KIAA0319L: variants seen among roughly 807,000 people sequenced by gnomAD.
KIAA0319L encodes the protein dyslexia-associated protein KIAA0319-like protein.
A neutral mutation model predicts 120.1 loss-of-function variants in KIAA0319L; 55 were observed. That is an observed-to-expected ratio of 0.46 (90% CI 0.37 to 0.57). KIAA0319L has a LOEUF of 0.57. Among genes scored for constraint, KIAA0319L ranks in the 20% least tolerant of loss-of-function variants. KIAA0319L has a pLI of 0.00. For synonymous variants in KIAA0319L, 398 were observed against 471.9 expected, an observed-to-expected ratio of 0.84 and a Z score of 2.03; for missense variants, 1,049 against 1,255.3, an observed-to-expected ratio of 0.84 and a Z score of 2.48.
In KIAA0319L at chr1:35,518,559, A is replaced by G. The variant is rs181281903; in HGVS notation, c.143-11424T>C. 1.2e-3 allele frequency among the ~76,000 whole-genome samples: 183 copies of G among 152,290 alleles called. 1 individual carries two copies. Among genetic ancestry groups the G allele is most frequent in the African/African-American group, 3.9e-3 (163 of 41,562 alleles). ...CAGACACTGGAATCTACTTGAGGGTAGAGGTGAGAGGAGGAAGAGGAGCAG... is the reference window on the plus strand; with the variant it reads ...CAGACACTGGAATCTACTTGAGGGTGGAGGTGAGAGGAGGAAGAGGAGCAG... On this transcript the variant is annotated intron_variant, in intron 2 of 20. Coordinates refer to ENST00000325722, the MANE Select transcript of KIAA0319L (RefSeq NM_024874.5).
In KIAA0319L at chr1:35,479,185, G is replaced by T. The variant is rs1254399074; in HGVS notation, c.694C>A (p.Pro232Thr). Residue 232 changes from proline (P) to threonine (T), a missense_variant, in exon 4 of 21, where the codon CCC becomes ACC. By Grantham distance (38) the Pro-to-Thr change is conservative. Coordinates refer to ENST00000325722, the MANE Select transcript of KIAA0319L (RefSeq NM_024874.5). ...TCTGCAGTCAGGTCTGTGGTTAGGG[G>T]ACTGGAAATTGTAATCGCCTTGTGG... is the stretch of plus-strand genomic sequence containing the variant. The part of the protein sequence containing the change: ...EVHKAITISS[P>T]LTTDLTAELS... 1.2e-6 allele frequency: 2 copies of T among 1,613,566 alleles called. No individual in the cohort carries two copies. Among genetic ancestry groups the T allele is most frequent in the Non-Finnish European group, 1.7e-6 (2 of 1,179,656 alleles).
intron 2 of KIAA0319L, among the ~76,000 whole-genome samples, chr1:35,508,276 C>T (rs567187021): frequency 1.3e-5 from 2 of 152,078 alleles, no homozygotes; most frequent in South Asian, 4.2e-4. Context: ...GGGCTTATAA[C>T]ATAAAATATA....
intron 16 of KIAA0319L, among the ~76,000 whole-genome samples, chr1:35,445,944 C>T (rs894892765): frequency 1.3e-5 from 2 of 152,172 alleles, no homozygotes; most frequent in African/African-American, 4.8e-5. Flanking sequence ...CATCTTTCCA[C>T]TGCTTGCCAG....
Position 35,453,527 on chromosome 1 carries a change from C to A in KIAA0319L, c.1913+30G>T. The A allele has an allele frequency of 6.2e-7, 1 of 1,612,154 alleles. No homozygotes were observed. Among genetic ancestry groups the A allele is most frequent in the Non-Finnish European group, 8.5e-7 (1 of 1,178,592 alleles). ...GCTCTTCCAAGGTCTGGAGGCTTTG[C>A]AAAAATAAGGATTTTGTGTCAATAC... On this transcript the variant is annotated intron_variant, in intron 12 of 20. Coordinates refer to ENST00000325722, the MANE Select transcript of KIAA0319L (RefSeq NM_024874.5). This position sits in a 1 kb window ranked among gnomAD's most constrained non-coding sequence, Gnocchi z 4.1.
intron 2 of KIAA0319L, among the ~76,000 whole-genome samples, chr1:35,517,747 T>G (rs993909324): frequency 1.3e-5 from 2 of 152,184 alleles, no homozygotes; most frequent in Non-Finnish European, 2.9e-5. Flanking sequence ...TAAGAGCTTC[T>G]GCACAGCAAA....
chr1:35,539,358 C>G (rs74847130), intron 2 of KIAA0319L, among the ~76,000 whole-genome samples: 2,367 of 152,328 alleles, frequency 0.016, 68 homozygotes, highest in African/African-American at 0.054. Context: ...TGTTCCAGGT[C>G]TGCAGACCTC....
intron 3 of KIAA0319L, among the ~76,000 whole-genome samples, chr1:35,505,406 C>T (rs757003240): frequency 2.0e-5 from 3 of 152,178 alleles, no homozygotes; most frequent in Non-Finnish European, 4.4e-5. Context: ...TTAAACATCT[C>T]GGAGAAGTCT....
intron 2 of KIAA0319L, among the ~76,000 whole-genome samples, chr1:35,516,751 G>A (rs142468650): frequency 8.5e-4 from 129 of 152,272 alleles, no homozygotes; most frequent in African/African-American, 2.8e-3. Context: ...AATAGGAGGC[G>A]AGGAAGTCCA....
At chr1:35,548,340 C>G (rs1283824813) in intron 2 of KIAA0319L, among the ~76,000 whole-genome samples, 1 of 152,026 alleles carries the variant, frequency 6.6e-6, no homozygotes, top group African/African-American at 2.4e-5. Context: ...CCATCTCCAT[C>G]TCCACAATTA....
At chr1:35,484,804 ATATTT>A (rs1471167534) in intron 3 of KIAA0319L, among the ~76,000 whole-genome samples, 298 of 43,580 alleles carry the variant, frequency 6.8e-3, no homozygotes, top group Middle Eastern at 0.01. Context: ...ATATATATAT[ATATTT>A]TTTTTTTTAT....
Position 35,437,233 on chromosome 1 carries a change from G to A in KIAA0319L, c.2963-2152C>T, listed in dbSNP as rs1399651530. Among the ~76,000 whole-genome samples the A allele has an allele frequency of 1.3e-5, 2 of 152,120 alleles. No homozygotes were observed. Among genetic ancestry groups the A allele is most frequent in the Non-Finnish European group, 2.9e-5 (2 of 68,028 alleles). ...TCCCATCCAATCTCACCTCTGCAGCGCGGCACTTCTCCGGGCCATCACCGC... is the reference window on the plus strand; with the variant it reads ...TCCCATCCAATCTCACCTCTGCAGCACGGCACTTCTCCGGGCCATCACCGC... On this transcript the variant is annotated intron_variant, in intron 20 of 20. Coordinates refer to ENST00000325722, the MANE Select transcript of KIAA0319L (RefSeq NM_024874.5). The surrounding 1 kb of genome is among the most constrained non-coding windows in gnomAD (Gnocchi z 4.1).
At chr1:35,461,781 A>C (rs1489010051) in intron 8 of KIAA0319L, among the ~76,000 whole-genome samples, 1 of 152,048 alleles carries the variant, frequency 6.6e-6, no homozygotes, top group Non-Finnish European at 1.5e-5. Flanking sequence ...TCTCTATCAC[A>C]AGGGCTTCTT....
intron 2 of KIAA0319L, among the ~76,000 whole-genome samples, chr1:35,525,184 CTTTTT>C (rs1558590143): frequency 6.6e-6 from 1 of 152,240 alleles, no homozygotes; most frequent in East Asian, 1.9e-4. Context: ...CAATTTCATT[CTTTTT>C]TAAGGCCAAA....
chr1:35,470,492 CAA>C lies in KIAA0319L; in HGVS notation c.1113+369_1113+370del, dbSNP rs34215571. On this transcript the variant is annotated intron_variant, in intron 6 of 20. Transcript: ENST00000325722. ...TAGGTGACAGAGCAAGACCCTGTCT[CAA>C]AAAAAAAAAAAAAAAAAAAAGAAAA... Among the ~76,000 whole-genome samples the C allele has an allele frequency of 4.4e-3, 326 of 73,412 alleles. 1 individual carries two copies. The highest frequency in any genetic ancestry group is 0.032 in the South Asian group (60 of 1,878). 48.2% of individuals were successfully genotyped at this position (73,412 alleles called of 152,430 possible). A position where few individuals can be genotyped will look rare whatever the true frequency, so the allele number is the denominator to read the frequency against.
At chr1:35,442,808 C>T (rs1420065388) in intron 18 of KIAA0319L, 98 bp downstream of exon 18, 3 of 1,417,848 alleles carry the variant, frequency 2.1e-6, no homozygotes. Context: ...CTTCTCCTTG[C>T]CTGCTCATCT....
intron 2 of KIAA0319L, among the ~76,000 whole-genome samples, chr1:35,537,803 T>C (rs1342344676): frequency 2.0e-5 from 3 of 152,164 alleles, no homozygotes; most frequent in Non-Finnish European, 4.4e-5. Flanking sequence ...TTAGTATTCT[T>C]AGAATTTTTG....
chr1:35,510,516 G>A (rs1645390592), intron 2 of KIAA0319L: 1 of 151,770 alleles, frequency 6.6e-6, no homozygotes, highest in Non-Finnish European at 1.5e-5. Flanking sequence ...CACGACTGTG[G>A]GAAACTGTTC....
chr1:35,552,704 G>A (rs377235880), intron 2 of KIAA0319L, among the ~76,000 whole-genome samples: 20 of 152,258 alleles, frequency 1.3e-4, no homozygotes, highest in African/African-American at 4.8e-4. Context: ...CAAAGTTGGA[G>A]GATCGACTGA....
chr1:35,509,500 G>A (rs1409658054), intron 2 of KIAA0319L, among the ~76,000 whole-genome samples: 1 of 152,218 alleles, frequency 6.6e-6, no homozygotes, highest in African/African-American at 2.4e-5. Flanking sequence ...GATGACAGAG[G>A]CAGAGATTGG....
Sources: allele counts gnomAD v4.1 joint callset (sites outside exome capture counted in the v4.1 genomes callset), GRCh38; gene constraint gnomAD v4.1.1; non-coding constraint Gnocchi (gnomAD v3.1); transcripts MANE v1.5; gene names NCBI Gene and HGNC (gene_info 2026-07-23, HGNC 2026-07-21).